The following SCHIP1 variants were observed in gnomAD, a reference collection of about 807,000 sequenced individuals.
The protein encoded by SCHIP1 is schwannomin interacting protein 1.
SCHIP1 carries 8 observed loss-of-function variants against 29.7 expected under a neutral mutation model. The observed-to-expected ratio is 0.27, with a 90% CI of 0.16 to 0.49. The LOEUF is 0.49. SCHIP1 is among the 20% of genes least tolerant of loss of function. The probability of loss-of-function intolerance (pLI) is 0.99; values close to 1 mark genes in which losing one functional copy is unlikely to be tolerated. For synonymous variants in SCHIP1, 76 were observed against 94.9 expected, an observed-to-expected ratio of 0.80 and a Z score of 1.16; for missense variants, 193 against 294.6, an observed-to-expected ratio of 0.66 and a Z score of 2.52.
At chr3:159,291,342 G>A in the SCHIP1 span, among the ~76,000 whole-genome samples, 3 of 152,036 alleles carry the variant, frequency 2.0e-5, no homozygotes, top group South Asian at 6.2e-4. Context: ...AAAAATATGT[G>A]ATTAATATGA....
the SCHIP1 span, among the ~76,000 whole-genome samples, chr3:159,686,248 A>G: frequency 2.0e-5 from 3 of 152,228 alleles, no homozygotes; most frequent in African/African-American, 4.8e-5. Context: ...CTGTAACCAC[A>G]GGAATATTTG....
At chr3:159,414,868 G>C in the SCHIP1 span, among the ~76,000 whole-genome samples, 1 of 152,150 alleles carries the variant, frequency 6.6e-6, no homozygotes, top group African/African-American at 2.4e-5. Flanking sequence ...ATGATCCTAT[G>C]AGATTCTAAT....
the SCHIP1 span, among the ~76,000 whole-genome samples, chr3:159,459,229 G>A: frequency 6.6e-6 from 1 of 152,010 alleles, no homozygotes; most frequent in African/African-American, 2.4e-5. Flanking sequence ...GCTATCCCAG[G>A]TATGGTCTCC....
the SCHIP1 span, among the ~76,000 whole-genome samples, chr3:159,689,897 C>T: frequency 5.9e-5 from 9 of 152,180 alleles, no homozygotes; most frequent in South Asian, 2.1e-4. Flanking sequence ...TGATGGATTA[C>T]GCTTATTGAT....
chr3:159,616,265 A>AT, the SCHIP1 span, among the ~76,000 whole-genome samples: 8 of 151,844 alleles, frequency 5.3e-5, no homozygotes, highest in Admixed American at 1.3e-4. Flanking sequence ...TGCCCAACTA[A>AT]TTTTTTTTGT....
chr3:159,683,918 TTCTC>T, the SCHIP1 span, among the ~76,000 whole-genome samples: 2 of 150,704 alleles, frequency 1.3e-5, no homozygotes, highest in East Asian at 1.9e-4. Flanking sequence ...TGTGTAAAAC[TTCTC>T]TCTCTCTCTC....
At chr3:159,658,235 C>G in the SCHIP1 span, among the ~76,000 whole-genome samples, 1 of 152,158 alleles carries the variant, frequency 6.6e-6, no homozygotes. Context: ...CTGGCTTTTT[C>G]ACCAGTCCCC....
chr3:159,848,248 A>C lies in SCHIP1; in HGVS notation c.30+8034A>C, dbSNP rs189304573. On this transcript the variant is annotated intron_variant, in intron 1 of 6. Coordinates refer to ENST00000445224, the Ensembl canonical transcript of SCHIP1. ...AGGCTTTTTCAACCTCAGGGATTCT[A>C]AGTGACTGTGAGTAGGTTTTCTAAG... 4.7e-3 allele frequency among the ~76,000 whole-genome samples: 710 copies of C among 152,334 alleles called. 9 individuals carry two copies. Among genetic ancestry groups the C allele is most frequent in the African/African-American group, 0.017 (688 of 41,584 alleles).
At chr3:159,834,765 T>A in the SCHIP1 span, among the ~76,000 whole-genome samples, 10 of 152,222 alleles carry the variant, frequency 6.6e-5, no homozygotes, top group Non-Finnish European at 1.2e-4. Flanking sequence ...CTTTGTTTCA[T>A]GTACAAAATT....
chr3:159,387,748 CACAA>C, the SCHIP1 span, among the ~76,000 whole-genome samples: 1 of 152,168 alleles, frequency 6.6e-6, no homozygotes, highest in African/African-American at 2.4e-5. Context: ...ACACACACCA[CACAA>C]ACAGATACAC....
chr3:159,535,192 T>C, the SCHIP1 span, among the ~76,000 whole-genome samples: 3 of 152,210 alleles, frequency 2.0e-5, no homozygotes, highest in African/African-American at 7.2e-5. Flanking sequence ...ATAATATTTT[T>C]GCAAACACCC....
At chr3:159,437,272 T>A in the SCHIP1 span, among the ~76,000 whole-genome samples, 1 of 152,128 alleles carries the variant, frequency 6.6e-6, no homozygotes, top group Admixed American at 6.6e-5. Context: ...CATCATGCTT[T>A]TGAATATGTT....
chr3:159,438,337 T>C, the SCHIP1 span, among the ~76,000 whole-genome samples: 1 of 152,108 alleles, frequency 6.6e-6, no homozygotes, highest in African/African-American at 2.4e-5. Context: ...CCACATTTTC[T>C]AGAAGGACTA....
chr3:159,405,821 TG>T, the SCHIP1 span, among the ~76,000 whole-genome samples: 1 of 150,362 alleles, frequency 6.7e-6, no homozygotes, highest in Non-Finnish European at 1.5e-5. Context: ...AGGCGGAGGT[TG>T]CAGTGAGCTG....
chr3:159,850,690 AGGG>A (rs1283462440), intron 1 of SCHIP1, among the ~76,000 whole-genome samples: 1 of 152,132 alleles, frequency 6.6e-6, no homozygotes, highest in Admixed American at 6.5e-5. Context: ...CAGAAGGCAA[AGGG>A]GAAGCAGGCA....
chr3:159,891,912 T>C (rs543431689), intron 5 of SCHIP1, among the ~76,000 whole-genome samples, 185 bp from the exon 7 acceptor site: 1 of 152,372 alleles, frequency 6.6e-6, no homozygotes, highest in East Asian at 1.9e-4. Context: ...TTTACTCCTT[T>C]TCTTCCCACA....
the SCHIP1 span, among the ~76,000 whole-genome samples, chr3:159,315,022 C>T: frequency 6.6e-6 from 1 of 152,064 alleles, no homozygotes; most frequent in African/African-American, 2.4e-5. Flanking sequence ...TACATATAGC[C>T]AAGAATGAAA....
At chr3:159,499,644 C>G in the SCHIP1 span, among the ~76,000 whole-genome samples, 1 of 152,256 alleles carries the variant, frequency 6.6e-6, no homozygotes, top group Admixed American at 6.5e-5. Flanking sequence ...CTCCAGGTGA[C>G]TTTGATACAT....
chr3:159,677,225 C>G, the SCHIP1 span, among the ~76,000 whole-genome samples: 4 of 152,186 alleles, frequency 2.6e-5, no homozygotes, highest in African/African-American at 9.7e-5. Flanking sequence ...GCCTACAACC[C>G]TGACCTATAC....
Sources: allele counts gnomAD v4.1 joint callset (sites outside exome capture counted in the v4.1 genomes callset), GRCh38; gene constraint gnomAD v4.1.1; transcripts MANE v1.5; gene names NCBI Gene and HGNC (gene_info 2026-07-23, HGNC 2026-07-21).